The following SEC24A variants were observed in gnomAD, a reference collection of about 807,000 sequenced individuals.
The protein encoded by SEC24A is protein transport protein Sec24A.
SEC24A carries 93 observed loss-of-function variants against 129.4 expected under a neutral mutation model. That is an observed-to-expected ratio of 0.72 (90% CI 0.61 to 0.85). The LOEUF (loss-of-function observed/expected upper bound fraction) is 0.85. Among genes scored for constraint, SEC24A ranks in the 40% least tolerant of loss-of-function variants. SEC24A has a pLI of 0.00. For synonymous variants in SEC24A, 460 were observed against 467.3 expected (o/e 0.98, Z 0.20); for missense variants, 1,264 against 1,307.4 (o/e 0.97, Z 0.51).
intron 1 of SEC24A, among the ~76,000 whole-genome samples, chr5:134,654,413 G>A (rs570052062): frequency 1.8e-4 from 27 of 152,042 alleles, no homozygotes; most frequent in African/African-American, 3.1e-4. Flanking sequence ...GTAGAGACGG[G>A]GTTTCACCAT....
In SEC24A at chr5:134,676,034, G is replaced by C; in HGVS notation, c.1163G>C (p.Cys388Ser). Reference protein sequence around the residue: ...KLNCNPELFRCTLTSIPQTQA... With the variant: ...KLNCNPELFRSTLTSIPQTQA... ...TTACTTTGATATAGGTTATTTCGAT[G>C]CACGCTGACTAGCATTCCTCAGACG... Residue 388 changes from cysteine to serine, a missense_variant, in exon 7 of 23, where the codon TGC (cysteine) becomes TCC (serine). Transcript: ENST00000398844. The C allele has an allele frequency of 6.2e-7, 1 of 1,603,800 alleles. No individual in the cohort carries two copies. Among genetic ancestry groups the C allele is most frequent in the Non-Finnish European group, 8.5e-7 (1 of 1,176,534 alleles).
At chr5:134,702,183 G>A (rs191842095) in intron 15 of SEC24A, among the ~76,000 whole-genome samples, 1 of 151,952 alleles carries the variant, frequency 6.6e-6, no homozygotes, top group African/African-American at 2.4e-5. Flanking sequence ...TATTAATGTT[G>A]TATATTTCTT....
intron 12 of SEC24A, chr5:134,693,008 C>T: frequency 6.5e-7 from 1 of 1,532,036 alleles, no homozygotes; most frequent in South Asian, 1.2e-5. Flanking sequence ...GCTTTCAGTG[C>T]CCTTTGCTTT....
chr5:134,676,975 T>C (rs553368395), intron 7 of SEC24A, among the ~76,000 whole-genome samples: 1 of 152,258 alleles, frequency 6.6e-6, no homozygotes, highest in African/African-American at 2.4e-5. Flanking sequence ...TGAGAGAAAC[T>C]AAATAAATGA....
intron 1 of SEC24A, among the ~76,000 whole-genome samples, chr5:134,651,764 TG>T (rs1750059087): frequency 6.6e-6 from 1 of 151,108 alleles, no homozygotes; most frequent in Admixed American, 6.6e-5. Flanking sequence ...AAGCCTAGCC[TG>T]GGTTGTTTTA....
chr5:134,666,504 C>T (rs1339325301), intron 2 of SEC24A, among the ~76,000 whole-genome samples: 1 of 151,710 alleles, frequency 6.6e-6, no homozygotes, highest in African/African-American at 2.4e-5. Context: ...TTGCAGTGAA[C>T]TGAGATAGCG....
chr5:134,676,006 T>G lies in SEC24A; in HGVS notation c.1152-17T>G, dbSNP rs771322404. ...AATCATAGCAGCAACTGATACATAC[T>G]TTTTACTTTGATATAGGTTATTTCG... On this transcript the variant is annotated splice_polypyrimidine_tract_variant and intron_variant, in intron 6 of 22. Coordinates refer to ENST00000398844, the MANE Select transcript of SEC24A (RefSeq NM_021982.3). The G allele has an allele frequency of 1.3e-6, 2 of 1,563,566 alleles. No homozygotes were observed. The highest frequency in any genetic ancestry group is 8.7e-7 in the Non-Finnish European group (1 of 1,153,598).
At chr5:134,702,817 T>TG (rs961137413) in intron 15 of SEC24A, among the ~76,000 whole-genome samples, 14 of 152,100 alleles carry the variant, frequency 9.2e-5, no homozygotes, top group African/African-American at 3.4e-4. Context: ...TAGGCTGGAG[T>TG]GCAGTGGCGC....
At chr5:134,707,930 C>T (rs72800324) in intron 17 of SEC24A, among the ~76,000 whole-genome samples, 18,956 of 151,570 alleles carry the variant, frequency 0.13, 1,558 homozygotes, top group South Asian at 0.36. Context: ...TTGGTGAAAC[C>T]CTATTTCTAC....
chr5:134,649,216 A>G, intron 1 of SEC24A, 43 bp downstream of exon 1: 2 of 1,425,436 alleles, frequency 1.4e-6, no homozygotes, highest in Non-Finnish European at 9.7e-7. Context: ...GCCAGGGCTG[A>G]CTGACCTTTG....
intron 7 of SEC24A, among the ~76,000 whole-genome samples, chr5:134,678,493 C>T (rs2150085250): frequency 6.6e-6 from 1 of 151,120 alleles, no homozygotes; most frequent in South Asian, 2.1e-4. Context: ...TGGGCTGTTG[C>T]TGTGTTGCTC....
At chr5:134,669,596 C>T (rs1750786308) in intron 3 of SEC24A, among the ~76,000 whole-genome samples, 1 of 151,862 alleles carries the variant, frequency 6.6e-6, no homozygotes, top group South Asian at 2.1e-4. Context: ...CTGCCTCAGC[C>T]TCCCGAGTAG....
At chr5:134,710,204 ATCT>A (rs1264463565) in intron 18 of SEC24A, among the ~76,000 whole-genome samples, 75 of 147,954 alleles carry the variant, frequency 5.1e-4, no homozygotes, top group African/African-American at 1.3e-3. Context: ...ACACTTCTTA[ATCT>A]TCTTCTTTTT....
At chr5:134,700,478 C>G (rs1332468959) in intron 15 of SEC24A, among the ~76,000 whole-genome samples, 1 of 151,794 alleles carries the variant, frequency 6.6e-6, no homozygotes, top group Non-Finnish European at 1.5e-5. Flanking sequence ...CTCAGCCTCC[C>G]AAAGTGCTGG....
intron 4 of SEC24A, 78 bp downstream of exon 4, chr5:134,671,964 A>G (rs1459631061): frequency 5.8e-6 from 5 of 858,692 alleles, no homozygotes; most frequent in South Asian, 1.5e-5. Flanking sequence ...GTACAAATAT[A>G]TAGGAAACTA....
rs767993814 is a variant in SEC24A at position 134,679,642 on chromosome 5, G to A, written c.1295G>A (p.Arg432His). Residue 432 changes from arginine to histidine, a missense_variant, in exon 8 of 23, where the codon CGT becomes CAT. By Grantham distance (29) the Arg-to-His change is conservative. Coordinates refer to ENST00000398844, the MANE Select transcript of SEC24A (RefSeq NM_021982.3). Reference sequence around the variant, plus strand: ...ACCTCCAGTACAATTGTGAGATGCCGTTCATGCAGGACGTACATCAATCCT... The same window carrying A: ...ACCTCCAGTACAATTGTGAGATGCCATTCATGCAGGACGTACATCAATCCT... ...VVTSSTIVRC[R>H]SCRTYINPFV... is the part of the protein sequence containing the mutation. 10 of 1,593,284 alleles carry A rather than the reference G, an allele frequency of 6.3e-6. No individual in the cohort carries two copies. The highest frequency in any genetic ancestry group is 3.4e-5 in the Admixed American group (2 of 59,358).
chr5:134,706,591 C>T (rs1752167075), intron 17 of SEC24A, among the ~76,000 whole-genome samples: 1 of 152,164 alleles, frequency 6.6e-6, no homozygotes, highest in African/African-American at 2.4e-5. Context: ...CCTTTACCTC[C>T]TGGGCTCAAG....
In SEC24A at chr5:134,718,066, C is replaced by T; in HGVS notation, c.2866-3C>T. The T allele has an allele frequency of 6.2e-7, 1 of 1,610,706 alleles. No homozygotes were observed. Among genetic ancestry groups the T allele is most frequent in the Non-Finnish European group, 8.5e-7 (1 of 1,177,016 alleles). ...ACCTTTACTCTTTTACTTAATTCCT[C>T]AGGGAGCACTCAACATCAGTGATAG... On this transcript the variant is annotated splice_region_variant and splice_polypyrimidine_tract_variant and intron_variant, in intron 19 of 22. Transcript: ENST00000398844.
chr5:134,705,100 TTTTAA>T, intron 16 of SEC24A, among the ~76,000 whole-genome samples: 1 of 144,492 alleles, frequency 6.9e-6, no homozygotes, highest in South Asian at 2.1e-4. Flanking sequence ...ATTTTTTTTT[TTTTAA>T]TTAATTTATT....
Sources: gnomAD v4.1 joint callset for allele counts (sites outside exome capture counted in the v4.1 genomes callset) on GRCh38, gnomAD v4.1.1 for gene constraint, MANE v1.5 for transcripts, NCBI Gene and HGNC (gene_info 2026-07-23, HGNC 2026-07-21) for gene names.